Variants in COLEC11 observed in about 807,000 individuals in gnomAD.
COLEC11 encodes collectin-11.
A neutral mutation model predicts 27.3 loss-of-function variants in COLEC11; 20 were observed. That is an observed-to-expected ratio of 0.73 (90% CI 0.51 to 1.06). COLEC11 has a LOEUF of 1.06. Ranked by LOEUF, COLEC11 falls within the 50% of genes least tolerant of loss-of-function variation. COLEC11 has a pLI of 0.00. For missense variants in COLEC11, 310 were observed against 383.0 expected (o/e 0.81, Z 1.59); for synonymous variants, 163 against 154.7 (o/e 1.05, Z -0.40).
rs188831432 is a variant in COLEC11, at chr2:3,639,853, G to A, written c.275-425G>A. Among the ~76,000 whole-genome samples, 882 of 151,936 alleles carry A rather than the reference G, an allele frequency of 5.8e-3. 4 individuals carry two copies. Among genetic ancestry groups the A allele is most frequent in the South Asian group, 0.02 (93 of 4,712 alleles). Reference sequence around the variant, plus strand: ...GAGCCAGGGCAGGAAGGAGTGCACCGACTCTTGGATTAGATGAGCTCTCAG... The same window carrying A: ...GAGCCAGGGCAGGAAGGAGTGCACCAACTCTTGGATTAGATGAGCTCTCAG... On this transcript the variant is annotated intron_variant, in intron 4 of 6. Coordinates refer to ENST00000349077, the MANE Select transcript of COLEC11 (RefSeq NM_024027.5).
Position 3,603,521 on chromosome 2 carries a change from TG to T in COLEC11, c.-26-793del, listed in dbSNP as rs1448579723. ...TAGAAGACATGCGGTTTCACCATGT[TG>T]TCCAGACTGGTCTCGAACTCCCGAC... is the stretch of plus-strand genomic sequence containing the variant. On this transcript the variant is annotated intron_variant, in intron 1 of 6. Coordinates refer to ENST00000349077, the MANE Select transcript of COLEC11 (RefSeq NM_024027.5). 3.6e-6 allele frequency: 3 copies of T among 822,876 alleles called. No homozygotes were observed. In the African/African-American group the frequency reaches 5.1e-5, roughly 14 times the overall value. 51.0% of individuals were successfully genotyped at this position (822,876 alleles called of 1,614,324 possible).
intron 5 of COLEC11, among the ~76,000 whole-genome samples, chr2:3,640,903 C>T (rs1665805369): frequency 9.2e-6 from 1 of 109,254 alleles, no homozygotes; most frequent in African/African-American, 4.1e-5. Flanking sequence ...CGGACACCCA[C>T]CCCCGTCACA....
At chr2:3,630,443 C>G (rs535929949) in intron 3 of COLEC11, among the ~76,000 whole-genome samples, 1 of 152,220 alleles carries the variant, frequency 6.6e-6, no homozygotes, top group East Asian at 1.9e-4. Flanking sequence ...TTAGTCCATC[C>G]CTAAAGAACT....
chr2:3,597,946 T>C (rs994753611), intron 1 of COLEC11, among the ~76,000 whole-genome samples: 6 of 152,166 alleles, frequency 3.9e-5, no homozygotes, highest in Non-Finnish European at 8.8e-5. Flanking sequence ...ATTTATTTCA[T>C]TTTTTTGAGA....
At position 3,643,737 on chromosome 2, in the gene COLEC11, T is replaced by G. The variant is rs779362328; in HGVS notation, c.435T>G (p.Gly145=). 6.2e-7 allele frequency: 1 copy of G among 1,613,466 alleles called. No individual in the cohort carries two copies. The highest frequency in any genetic ancestry group is 1.3e-5 in the African/African-American group (1 of 74,926). The change falls in exon 7 of 7, where the codon GGT becomes GGG. Residue 145 remains glycine, a synonymous_variant. Transcript: ENST00000349077. ...TGCCTTACCCCACAGCTGTCGCCGG[T>G]GTGCGCGAGACGGAGAGCAAGATCT... ...ELKFIKNAVA[G]VRETESKIYL... is the part of the protein sequence containing the mutation.
intron 1 of COLEC11, among the ~76,000 whole-genome samples, chr2:3,598,748 G>A (rs772644504): frequency 5.9e-5 from 9 of 151,578 alleles, no homozygotes; most frequent in African/African-American, 1.7e-4. Context: ...CTGGAGGCGG[G>A]CCGTGGGTGC....
chr2:3,629,971 T>A (rs1664856315), intron 3 of COLEC11, among the ~76,000 whole-genome samples: 1 of 152,240 alleles, frequency 6.6e-6, no homozygotes, highest in Admixed American at 6.5e-5. Context: ...TATGTGTGGT[T>A]GTATTTATAC....
chr2:3,612,919 G>T (rs1301876959), intron 2 of COLEC11, among the ~76,000 whole-genome samples: 1 of 152,032 alleles, frequency 6.6e-6, no homozygotes, highest in Non-Finnish European at 1.5e-5. Flanking sequence ...ATGAAGCTCA[G>T]GGAGAGGTCG....
intron 2 of COLEC11, among the ~76,000 whole-genome samples, chr2:3,607,065 C>T (rs938227493): frequency 1.3e-5 from 2 of 152,322 alleles, no homozygotes; most frequent in Non-Finnish European, 2.9e-5. Flanking sequence ...AAACACAGCA[C>T]GCGCCGCCCC....
At chr2:3,599,324 C>T (rs1164201405) in intron 1 of COLEC11, among the ~76,000 whole-genome samples, 1 of 152,204 alleles carries the variant, frequency 6.6e-6, no homozygotes, top group African/African-American at 2.4e-5. Flanking sequence ...CGATGACCCA[C>T]ACCACAGGAC....
intron 2 of COLEC11, among the ~76,000 whole-genome samples, chr2:3,610,276 A>G (rs561761046): frequency 6.6e-6 from 1 of 152,344 alleles, no homozygotes; most frequent in South Asian, 2.1e-4. Context: ...TATGCAAATA[A>G]GTGAATGCCG....
chr2:3,626,779 T>C (rs1164294729), intron 3 of COLEC11, among the ~76,000 whole-genome samples: 1 of 152,214 alleles, frequency 6.6e-6, no homozygotes, highest in Non-Finnish European at 1.5e-5. Flanking sequence ...AAAGAGAGAA[T>C]GGAATAAACT....
Position 3,637,483 on chromosome 2 carries a change from C to T in COLEC11, c.203-50C>T, listed in dbSNP as rs147333490. On this transcript the variant is annotated intron_variant, in intron 3 of 6. Coordinates refer to ENST00000349077, the MANE Select transcript of COLEC11 (RefSeq NM_024027.5). Reference sequence around the variant, plus strand: ...CGTGCACGTGTGTGATGGAGGAGGCCACGGTGTCACCTGTGCATCGACCAA... The same window carrying T: ...CGTGCACGTGTGTGATGGAGGAGGCTACGGTGTCACCTGTGCATCGACCAA... 1.1e-3 allele frequency: 1,546 copies of T among 1,449,140 alleles called. 15 individuals carry two copies. In the African/African-American group the frequency reaches 0.019, roughly 18 times the overall value. 89.8% of individuals were successfully genotyped at this position (1,449,140 alleles called of 1,614,324 possible).
At chr2:3,604,259 C>T in intron 1 of COLEC11, 56 bp from the exon 2 acceptor site, 1 of 1,601,132 alleles carries the variant, frequency 6.2e-7, no homozygotes, top group South Asian at 1.1e-5. Context: ...TGCTCACTGT[C>T]ACTGGCTGCC....
Position 3,637,546 on chromosome 2 carries a change from C to T in COLEC11, c.216C>T (p.Asp72=). ...GPTGEKGDMG[D]KGQKGSVGRH... ...TGTTTTCTACAGGAGACATGGGGGA[C>T]AAAGGACAGAAAGGCAGTGTGGGTC... Residue 72 remains aspartate (D), a synonymous_variant, in exon 4 of 7, where the codon GAC becomes GAT. Coordinates refer to ENST00000349077, the MANE Select transcript of COLEC11 (RefSeq NM_024027.5). The T allele has an allele frequency of 6.2e-7, 1 of 1,614,030 alleles. No homozygotes were observed. The highest frequency in any genetic ancestry group is 8.5e-7 in the Non-Finnish European group (1 of 1,179,966).
intron 1 of COLEC11, 28 bp from the exon 2 acceptor site, chr2:3,604,287 A>G: frequency 6.2e-7 from 1 of 1,613,280 alleles, no homozygotes; most frequent in Non-Finnish European, 8.5e-7. Flanking sequence ...TGCAGTTCCC[A>G]TCACTGTTTA....
At position 3,643,496 on chromosome 2, in the gene COLEC11, C is replaced by A. The variant is rs1481502288; in HGVS notation, c.381C>A (p.Asn127Lys). ...GCAAGGCCATCGGGGAGATGGACAA[C>A]CAGGTCTCTCAGCTGACCAGCGAGC... ...QLRKAIGEMD[N>K]QVSQLTSELK... Residue 127 changes from asparagine to lysine, a missense_variant, in exon 6 of 7, where the codon AAC becomes AAA. Asn to Lys is a moderately conservative substitution (Grantham distance 94). Transcript: ENST00000349077. The A allele has an allele frequency of 6.2e-7, 1 of 1,613,802 alleles. No individual in the cohort carries two copies. Among genetic ancestry groups the A allele is most frequent in the African/African-American group, 1.3e-5 (1 of 74,948 alleles).
intron 2 of COLEC11, among the ~76,000 whole-genome samples, chr2:3,612,621 G>C (rs541226681): frequency 1.3e-5 from 2 of 152,162 alleles, no homozygotes; most frequent in Non-Finnish European, 2.9e-5. Flanking sequence ...GGATTAGAGT[G>C]GGGGGAGAAG....
At chr2:3,598,028 C>T (rs1572375447) in intron 1 of COLEC11, among the ~76,000 whole-genome samples, 3 of 151,996 alleles carry the variant, frequency 2.0e-5, no homozygotes, top group African/African-American at 7.3e-5. Flanking sequence ...CTCCACCTCC[C>T]GGGTTCAAGC....
Sources: allele counts gnomAD v4.1 joint callset (sites outside exome capture counted in the v4.1 genomes callset), GRCh38; gene constraint gnomAD v4.1.1; transcripts MANE v1.5; gene names NCBI Gene and HGNC (gene_info 2026-07-23, HGNC 2026-07-21).